The following SAFB2 variants were observed in gnomAD, a reference collection of about 807,000 sequenced individuals.
The protein encoded by SAFB2 is scaffold attachment factor B2.
SAFB2 carries 32 observed loss-of-function variants against 100.6 expected under a neutral mutation model. That is an observed-to-expected ratio of 0.32 (90% confidence interval 0.24 to 0.43). The LOEUF is 0.43. Among genes scored for constraint, SAFB2 ranks in the 20% least tolerant of loss-of-function variants. The pLI is 1.00. For missense variants in SAFB2, 1,185 were observed against 1,163.4 expected, an observed-to-expected ratio of 1.02 and a Z score of -0.27; for synonymous variants, 500 against 439.4, an observed-to-expected ratio of 1.14 and a Z score of -1.72.
chr19:5,599,173 C>T (rs369273782), intron 12 of SAFB2, among the ~76,000 whole-genome samples: 2 of 152,122 alleles, frequency 1.3e-5, no homozygotes, highest in African/African-American at 2.4e-5. Context: ...CAGAGCCCTC[C>T]GTGACCCTCC....
chr19:5,620,010 T>C (rs1236845640), intron 2 of SAFB2, among the ~76,000 whole-genome samples: 1 of 152,190 alleles, frequency 6.6e-6, no homozygotes, highest in Non-Finnish European at 1.5e-5. Flanking sequence ...ATTCACATCA[T>C]GCATAAGTTA....
intron 13 of SAFB2, among the ~76,000 whole-genome samples, chr19:5,597,110 C>T (rs989113172): frequency 8.5e-5 from 13 of 152,180 alleles, no homozygotes; most frequent in Non-Finnish European, 1.6e-4. Context: ...TGCCCACATA[C>T]CACCGCACAG....
chr19:5,616,418 T>A lies in SAFB2; in HGVS notation c.339+4A>T. On this transcript the variant is annotated splice_donor_region_variant and intron_variant, in intron 3 of 20. Coordinates refer to ENST00000252542, the MANE Select transcript of SAFB2 (RefSeq NM_014649.3). Reference sequence around the variant, plus strand: ...CTTGTCATCTCTACCCTGACATCACTTACCTGCCCGTCTCTGGAATCGTCT... The same window carrying A: ...CTTGTCATCTCTACCCTGACATCACATACCTGCCCGTCTCTGGAATCGTCT... The A allele has an allele frequency of 8.1e-6, 13 of 1,614,048 alleles. No individual in the cohort carries two copies. Among genetic ancestry groups the A allele is most frequent in the Non-Finnish European group, 1.1e-5 (13 of 1,180,000 alleles).
Position 5,622,701 on chromosome 19 carries a change from C to A in SAFB2, c.15G>T (p.Leu5=), listed in dbSNP as rs1415911236. Residue 5 remains leucine (L), a synonymous_variant, in exon 1 of 21, where the codon CTG becomes CTT. Coordinates refer to ENST00000252542, the MANE Select transcript of SAFB2 (RefSeq NM_014649.3). The stretch of plus-strand genomic sequence containing the variant: ...CAGGGCCCGAGTCGCCCGACCCGGG[C>A]AGAGTCTCCGCCATCGTCGCGTTCC... MAET[L]PGSGDSGPGT... is the part of the protein sequence containing the mutation. The A allele has an allele frequency of 1.2e-6, 2 of 1,603,828 alleles. No individual in the cohort carries two copies. The highest frequency in any genetic ancestry group is 1.7e-6 in the Non-Finnish European group (2 of 1,178,114).
Position 5,587,263 on chromosome 19 carries a change from G to T in SAFB2, c.2842C>A (p.His948Asn). ...GGGACTTAGTAGCGGCGGGTGAAGT[G>T]GGGGTACGGGGGGGGATGAGGGTGT... The part of the protein sequence containing the change: ...HPHPHPPPYP[H>N]FTRRY Residue 948 changes from histidine to asparagine, a missense_variant, in exon 21 of 21, where the codon CAC becomes AAC. By Grantham distance (68) the His-to-Asn change is moderately conservative (BLOSUM62 1). Coordinates refer to ENST00000252542, the MANE Select transcript of SAFB2 (RefSeq NM_014649.3). The surrounding 1 kb of genome is among the most constrained non-coding windows in gnomAD (Gnocchi z 4.9). 1 of 1,612,966 alleles carries T rather than the reference G, an allele frequency of 6.2e-7. No homozygotes were observed. Among genetic ancestry groups the T allele is most frequent in the Non-Finnish European group, 8.5e-7 (1 of 1,179,738 alleles).
chr19:5,598,831 C>T lies in SAFB2; in HGVS notation c.1744G>A (p.Val582Ile), dbSNP rs760450091. 6.8e-6 allele frequency: 11 copies of T among 1,614,064 alleles called. No homozygotes were observed. Among genetic ancestry groups the T allele is most frequent in the Admixed American group, 1.7e-5 (1 of 60,006 alleles). The change falls in exon 13 of 21, where the codon GTC (valine) becomes ATC (isoleucine). Residue 582 changes from valine (V) to isoleucine (I), a missense_variant. This residue lies in a region of SAFB2 where 740 missense variants were observed against 687.1 expected (regional missense o/e 1.08). Coordinates refer to ENST00000252542, the MANE Select transcript of SAFB2 (RefSeq NM_014649.3). ...CTGCTTGTGGTTTTCACGCTAATGA[C>T]GGGCTCTCCTTTCGATTTATCCATC... ...VVMDKSKGEP[V>I]ISVKTTSRSK...
At chr19:5,602,738 C>G (rs886304205) in intron 11 of SAFB2, among the ~76,000 whole-genome samples, 1 of 152,212 alleles carries the variant, frequency 6.6e-6, no homozygotes, top group South Asian at 2.1e-4. Flanking sequence ...TAATTATTAC[C>G]GCCTTTCCCA....
rs1359458078 is a variant in SAFB2, at chr19:5,621,412, G to A, written c.187-16C>T. ...CTTTAACCGCCTATTAGGGAGAGAT[G>A]AGTTTTACAACATCATTAAGAGCTG... is the stretch of plus-strand genomic sequence containing the variant. On this transcript the variant is annotated splice_polypyrimidine_tract_variant and intron_variant, in intron 1 of 20. Transcript: ENST00000252542. 3.9e-6 allele frequency: 6 copies of A among 1,527,964 alleles called. No individual in the cohort carries two copies. Among genetic ancestry groups the A allele is most frequent in the East Asian group, 2.2e-5 (1 of 44,500 alleles). The allele number at this position is 1,527,964 out of a possible 1,614,324, so 94.7% of individuals were successfully genotyped here.
Position 5,587,290 on chromosome 19 carries a change from G to A in SAFB2, c.2815C>T (p.Pro939Ser), listed in dbSNP as rs1183379618. ...GGGTACGGGGGGGGATGAGGGTGTG[G>A]GTGAGGGACTCTGCTGCCCCGGTCC... ...SQDRGSRVPHPHPHPPPYPHF... is the reference protein window; with the variant it reads ...SQDRGSRVPHSHPHPPPYPHF... The change falls in exon 21 of 21, where the codon CCA (proline) becomes TCA (serine). Residue 939 changes from proline to serine, a missense_variant. This residue lies in a region of SAFB2 where 740 missense variants were observed against 687.1 expected (regional missense o/e 1.08). Transcript: ENST00000252542. The surrounding 1 kb of genome is among the most constrained non-coding windows in gnomAD (Gnocchi z 4.9). 5 of 1,612,872 alleles carry A rather than the reference G, an allele frequency of 3.1e-6. No homozygotes were observed. Among genetic ancestry groups the A allele is most frequent in the African/African-American group, 1.3e-5 (1 of 74,858 alleles).
Position 5,587,478 on chromosome 19 carries a change from C to A in SAFB2, c.2706-79G>T, listed in dbSNP as rs557876837. On this transcript the variant is annotated intron_variant, in intron 20 of 20. Transcript: ENST00000252542. The surrounding 1 kb of genome is among the most constrained non-coding windows in gnomAD (Gnocchi z 4.9). ...CGTAACATGGGTTCAGTAACGGTCC[C>A]GCAGCCTTTAGAGCGCTTGGGTTTT... is the stretch of plus-strand genomic sequence containing the variant. The A allele has an allele frequency of 1.3e-6, 2 of 1,524,112 alleles. No homozygotes were observed. Among genetic ancestry groups the A allele is most frequent in the South Asian group, 1.2e-5 (1 of 81,242 alleles). The allele number at this position is 1,524,112 out of a possible 1,614,324, so 94.4% of individuals were successfully genotyped here. A position where few individuals can be genotyped will look rare whatever the true frequency, so the allele number is the denominator to read the frequency against.
chr19:5,609,926 C>T (rs1315797119), intron 9 of SAFB2, 69 bp downstream of exon 9: 2 of 1,356,916 alleles, frequency 1.5e-6, no homozygotes, highest in East Asian at 2.5e-5. Flanking sequence ...ACGTGAACCA[C>T]CGTGCCCAGC....
intron 14 of SAFB2, among the ~76,000 whole-genome samples, chr19:5,595,117 C>T (rs1215318163): frequency 1.3e-5 from 2 of 152,170 alleles, no homozygotes; most frequent in African/African-American, 4.8e-5. Flanking sequence ...CCAAAGTGCT[C>T]GGATTACAGG....
intron 13 of SAFB2, chr19:5,598,502 G>A (rs1480414275): frequency 9.4e-6 from 4 of 427,000 alleles, no homozygotes; most frequent in Non-Finnish European, 1.7e-5. Context: ...GAAAAGCCTG[G>A]GTCTGGCCCA....
chr19:5,591,893 C>T, intron 16 of SAFB2, 100 bp from the exon 17 acceptor site: 1 of 1,116,058 alleles, frequency 9.0e-7, no homozygotes, highest in Non-Finnish European at 1.3e-6. Context: ...TCCATCCCAT[C>T]ACATAAAAAC....
At chr19:5,597,059 G>A (rs998069421) in intron 13 of SAFB2, among the ~76,000 whole-genome samples, 18 of 152,122 alleles carry the variant, frequency 1.2e-4, no homozygotes, top group Non-Finnish European at 1.8e-4. Context: ...TACGAGACGG[G>A]CAGATGTCTT....
At chr19:5,621,803 C>T (rs529333280) in intron 1 of SAFB2, among the ~76,000 whole-genome samples, 27 of 152,376 alleles carry the variant, frequency 1.8e-4, no homozygotes, top group Non-Finnish European at 1.6e-4. Context: ...GGAGATTCAA[C>T]AGGTCCCTCA....
chr19:5,595,216 T>A, intron 14 of SAFB2, 145 bp downstream of exon 14: 1 of 1,102,738 alleles, frequency 9.1e-7, no homozygotes, highest in Non-Finnish European at 1.3e-6. Flanking sequence ...GGCCCCTGCC[T>A]CGAGGACCCA....
At position 5,601,219 on chromosome 19, in the gene SAFB2, G is replaced by A. The variant is rs1599248021; in HGVS notation, c.1560-959C>T. ...CCATAGTAATTAATGGTACATCCCA[G>A]AACTGACTATTGTAAATCATCTCAT... On this transcript the variant is annotated intron_variant, in intron 11 of 20. Coordinates refer to ENST00000252542, the MANE Select transcript of SAFB2 (RefSeq NM_014649.3). Among the ~76,000 whole-genome samples, 3 of 152,232 alleles carry A rather than the reference G, an allele frequency of 2.0e-5. 1 individual carries two copies. The East Asian group carries it at 5.8e-4, about 29-fold the overall frequency.
intron 17 of SAFB2, chr19:5,591,543 G>C (rs2052404242): frequency 1.9e-6 from 1 of 537,698 alleles, no homozygotes; most frequent in African/African-American, 1.9e-5. Flanking sequence ...TTCCCAAAGT[G>C]CTGGGATTAC....
Sources: gnomAD v4.1 joint callset for allele counts (sites outside exome capture counted in the v4.1 genomes callset) on GRCh38, gnomAD v4.1.1 for gene constraint, gnomAD v4.1.1 regional missense constraint, Gnocchi (gnomAD v3.1) non-coding constraint, MANE v1.5 for transcripts, NCBI Gene and HGNC (gene_info 2026-07-23, HGNC 2026-07-21) for gene names.